The following RIMS1 variants were observed in gnomAD, a reference collection of about 807,000 sequenced individuals.
RIMS1 encodes regulating synaptic membrane exocytosis 1, also known as regulating synaptic membrane exocytosis protein 1.
RIMS1 carries 83 observed loss-of-function variants against 214.1 expected under a neutral mutation model. The observed-to-expected ratio is 0.39, with a 90% CI of 0.32 to 0.47. RIMS1 has a LOEUF of 0.47. RIMS1 is among the 20% of genes least tolerant of loss of function. The probability of loss-of-function intolerance (pLI) is 0.99; values close to 1 mark genes in which losing one functional copy is unlikely to be tolerated. For synonymous variants in RIMS1, 793 were observed against 786.8 expected (o/e 1.01, Z -0.13); for missense variants, 2,050 against 2,161.8 (o/e 0.95, Z 1.03).
chr6:72,003,778 A>C (rs1806250826), intron 2 of RIMS1, among the ~76,000 whole-genome samples: 1 of 152,054 alleles, frequency 6.6e-6, no homozygotes, highest in African/African-American at 2.4e-5. Flanking sequence ...AACTGTTCAC[A>C]GTGGTCGTTC....
intron 2 of RIMS1, among the ~76,000 whole-genome samples, chr6:72,032,924 T>C (rs1284500624): frequency 6.6e-6 from 1 of 152,092 alleles, no homozygotes; most frequent in African/African-American, 2.4e-5. Context: ...CTGAAGGGTA[T>C]ATAAAAAGTA....
chr6:72,117,282 C>A (rs1259225497), intron 4 of RIMS1, among the ~76,000 whole-genome samples: 1 of 151,926 alleles, frequency 6.6e-6, no homozygotes, highest in African/African-American at 2.4e-5. Context: ...AGTTTCTGAC[C>A]CCTCTTTAGT....
At chr6:71,928,673 C>T (rs1288845552) in intron 1 of RIMS1, among the ~76,000 whole-genome samples, 1 of 151,918 alleles carries the variant, frequency 6.6e-6, no homozygotes, top group Non-Finnish European at 1.5e-5. Context: ...TTCATCAAGT[C>T]CTTGAATTTC....
chr6:72,250,403 G>C lies in RIMS1; in HGVS notation c.2315G>C (p.Arg772Thr). Reference sequence around the variant, plus strand: ...CTGCAAGCAACAGATCTACCTGCTAGAGTAGATGGACGTCCTCGAAATCCC... The same window carrying C: ...CTGCAAGCAACAGATCTACCTGCTACAGTAGATGGACGTCCTCGAAATCCC... ...NVLQATDLPA[R>T]VDGRPRNPYV... The change falls in exon 13 of 34, where the codon AGA becomes ACA. Residue 772 changes from arginine (R) to threonine (T), a missense_variant. This residue lies in a region of RIMS1 where 889 missense variants were observed against 885.5 expected (regional missense o/e 1.00). Transcript: ENST00000521978. 6.2e-7 allele frequency: 1 copy of C among 1,601,790 alleles called. No individual in the cohort carries two copies. Among genetic ancestry groups the C allele is most frequent in the Non-Finnish European group, 8.5e-7 (1 of 1,169,874 alleles).
At chr6:72,183,209 G>A (rs967486226) in intron 6 of RIMS1, 60 bp downstream of exon 6, 8 of 1,534,816 alleles carry the variant, frequency 5.2e-6, no homozygotes, top group Non-Finnish European at 6.2e-6. Context: ...GTGGGCAGAG[G>A]TGCAGGTGCT....
At chr6:72,090,502 A>T (rs1431477426) in intron 2 of RIMS1, among the ~76,000 whole-genome samples, 1 of 152,072 alleles carries the variant, frequency 6.6e-6, no homozygotes, top group Non-Finnish European at 1.5e-5. Context: ...ACGATGTACA[A>T]ACATCATTAA....
intron 23 of RIMS1, among the ~76,000 whole-genome samples, chr6:72,275,142 A>G (rs1184370684): frequency 0.041 from 276 of 6,774 alleles, 18 homozygotes; most frequent in African/African-American, 0.13. Context: ...ATATATATAT[A>G]TATATATATA....
intron 2 of RIMS1, among the ~76,000 whole-genome samples, chr6:72,015,143 CATT>C (rs1812267204): frequency 2.0e-5 from 3 of 152,140 alleles, no homozygotes; most frequent in Admixed American, 1.3e-4. Context: ...TTCATATACA[CATT>C]ATGCATATAG....
intron 6 of RIMS1, among the ~76,000 whole-genome samples, chr6:72,191,015 G>C (rs1014485196): frequency 1.3e-5 from 2 of 152,160 alleles, no homozygotes; most frequent in African/African-American, 2.4e-5. Context: ...GCCTGCCAAA[G>C]GCTCCAAACA....
intron 24 of RIMS1, among the ~76,000 whole-genome samples, chr6:72,286,271 T>A (rs1241059717): frequency 6.6e-6 from 1 of 152,022 alleles, no homozygotes; most frequent in Non-Finnish European, 1.5e-5. Flanking sequence ...AGTGAACAAG[T>A]TTTTTTGGCA....
chr6:71,917,477 G>T (rs1189368247), intron 1 of RIMS1, among the ~76,000 whole-genome samples: 4 of 152,138 alleles, frequency 2.6e-5, no homozygotes, highest in Non-Finnish European at 5.9e-5. Context: ...TACATGTTGA[G>T]AGTAGCTGGT....
In RIMS1 at chr6:72,179,898, T is replaced by G; in HGVS notation, c.795T>G (p.Ser265Arg). The change falls in exon 5 of 34, where the codon AGT becomes AGG. Residue 265 changes from serine (S) to arginine (R), a missense_variant. By Grantham distance (110) the Ser-to-Arg change is moderately radical. Coordinates refer to ENST00000521978, the MANE Select transcript of RIMS1 (RefSeq NM_014989.7). ...AGCAGGCTTCATCCAGGTCTAGAAG[T>G]GAACCTCCTAGAGAGAGGTAATAGT... ...EQKQASSRSR[S>R]EPPRERKKTP... The G allele has an allele frequency of 6.5e-7, 1 of 1,537,788 alleles. No individual in the cohort carries two copies. The highest frequency in any genetic ancestry group is 8.7e-7 in the Non-Finnish European group (1 of 1,144,030).
intron 1 of RIMS1, among the ~76,000 whole-genome samples, chr6:71,899,475 TACAC>T (rs536718066): frequency 2.1e-5 from 3 of 143,716 alleles, no homozygotes; most frequent in African/African-American, 5.1e-5. Context: ...TGTATTTGTA[TACAC>T]ACACACACAC....
At chr6:72,011,482 A>T (rs1306454254) in intron 2 of RIMS1, among the ~76,000 whole-genome samples, 2 of 152,230 alleles carry the variant, frequency 1.3e-5, no homozygotes, top group African/African-American at 4.8e-5. Flanking sequence ...GACAAATGGG[A>T]TCTAATCAAA....
intron 22 of RIMS1, 33 bp from the exon 23 acceptor site, chr6:72,274,316 T>G: frequency 6.7e-7 from 1 of 1,489,286 alleles, no homozygotes; most frequent in Non-Finnish European, 9.3e-7. Flanking sequence ...CTAAATGTCC[T>G]GTTTTTTCCT....
chr6:72,212,874 A>G, intron 6 of RIMS1: 3 of 1,174,702 alleles, frequency 2.6e-6, no homozygotes, highest in Non-Finnish European at 3.2e-6. Flanking sequence ...ATTTTATCCA[A>G]GCAGTCCTTT....
rs537344829 is a variant in RIMS1, at chr6:72,204,299, CTT to C, written c.1678+21152_1678+21153del. 2.2e-3 allele frequency among the ~76,000 whole-genome samples: 331 copies of C among 152,294 alleles called. 1 individual carries two copies. Among genetic ancestry groups the C allele is most frequent in the Non-Finnish European group, 3.5e-3 (237 of 68,016 alleles). ...GGTAGTAATTGTAACTGTCCTAACACTTTGTCATTCCAGTCGGTGCGGTGGTG... is the reference window on the plus strand; with the variant it reads ...GGTAGTAATTGTAACTGTCCTAACACTGTCATTCCAGTCGGTGCGGTGGTG... On this transcript the variant is annotated intron_variant, in intron 6 of 33. Transcript: ENST00000521978.
intron 25 of RIMS1, among the ~76,000 whole-genome samples, chr6:72,291,387 T>C (rs1361083950): frequency 6.6e-6 from 1 of 152,234 alleles, no homozygotes; most frequent in East Asian, 1.9e-4. Context: ...AGCACCAGTG[T>C]ATTTCATAAC....
At chr6:72,127,284 T>C (rs78820871) in intron 4 of RIMS1, among the ~76,000 whole-genome samples, 17,875 of 152,150 alleles carry the variant, frequency 0.12, 1,277 homozygotes, top group South Asian at 0.18. Context: ...TCTCAGAGGC[T>C]AATACCAGTA....
Sources: gnomAD v4.1 joint callset for allele counts (sites outside exome capture counted in the v4.1 genomes callset) on GRCh38, gnomAD v4.1.1 for gene constraint, gnomAD v4.1.1 regional missense constraint, MANE v1.5 for transcripts, NCBI Gene and HGNC (gene_info 2026-07-23, HGNC 2026-07-21) for gene names.